The following SEMA4D variants were observed in gnomAD, a reference collection of about 807,000 sequenced individuals.
SEMA4D encodes the protein semaphorin-4D.
Under a neutral mutation model 74.8 loss-of-function variants are expected in SEMA4D, and 22 were observed. The ratio of observed to expected loss-of-function variants is 0.29; its 90% confidence interval spans 0.21 to 0.42. SEMA4D has a LOEUF of 0.42. SEMA4D is among the 10% of genes least tolerant of loss of function. The pLI, the probability that SEMA4D is intolerant of heterozygous loss-of-function variation, is 1.00. For synonymous variants in SEMA4D, 445 were observed against 463.7 expected (o/e 0.96, Z 0.52); for missense variants, 937 against 1,118.4 (o/e 0.84, Z 2.31).
chr9:89,490,943 C>A (rs1045114808), intron 1 of SEMA4D, among the ~76,000 whole-genome samples: 4 of 152,082 alleles, frequency 2.6e-5, no homozygotes, highest in Non-Finnish European at 4.4e-5. Flanking sequence ...ACAGATGATT[C>A]GAAATAAATT....
At chr9:89,412,208 C>G (rs1176243225) in intron 2 of SEMA4D, among the ~76,000 whole-genome samples, 1 of 152,174 alleles carries the variant, frequency 6.6e-6, no homozygotes, top group Admixed American at 6.5e-5. Context: ...TAGGGCCAGA[C>G]CCGGAGAGGA....
intron 6 of SEMA4D, among the ~76,000 whole-genome samples, chr9:89,395,210 C>A (rs965211835): frequency 2.6e-5 from 4 of 152,100 alleles, no homozygotes; most frequent in Non-Finnish European, 5.9e-5. Context: ...TGGATCACCT[C>A]AGGTCAGGAG....
At chr9:89,428,167 T>C (rs1419257178) in intron 2 of SEMA4D, among the ~76,000 whole-genome samples, 1 of 152,070 alleles carries the variant, frequency 6.6e-6, no homozygotes, top group Non-Finnish European at 1.5e-5. Context: ...CATGGAGGGA[T>C]ACGGCCCCCA....
chr9:89,476,330 T>C (rs1229817190), intron 1 of SEMA4D, among the ~76,000 whole-genome samples: 1 of 152,222 alleles, frequency 6.6e-6, no homozygotes, highest in Non-Finnish European at 1.5e-5. Flanking sequence ...CACTGACCAG[T>C]GTGATGGCTG....
exon 19 of SEMA4D, chr9:89,361,934 TCAATAAAAG>T (rs1177280780): frequency 5.7e-6 from 1 of 174,728 alleles, no homozygotes; most frequent in Non-Finnish European, 1.2e-5. Flanking sequence ...TTGATTTGCA[TCAATAAAAG>T]CAGCGATCTG....
rs1252417374 is a variant in SEMA4D at position 89,386,122 on chromosome 9, A to G, written c.1446+245T>C. 3.1e-6 allele frequency: 3 copies of G among 973,270 alleles called. No homozygotes were observed. In the African/African-American group the frequency reaches 5.3e-5, roughly 17 times the overall value. The allele number at this position is 973,270 out of a possible 1,614,324, so 60.3% of individuals were successfully genotyped here. A position where few individuals can be genotyped will look rare whatever the true frequency, so the allele number is the denominator to read the frequency against. On this transcript the variant is annotated intron_variant, in intron 13 of 15. Coordinates refer to ENST00000422704, the MANE Select transcript of SEMA4D (RefSeq NM_001371194.2). ...CCTGTAAAGCTGCACCAACAACTCA[A>G]TGACATTCCAGCAACTTCGAAGAGA...
At chr9:89,472,197 C>T in intron 1 of SEMA4D, 1 of 203,046 alleles carries the variant, frequency 4.9e-6, no homozygotes, top group Non-Finnish European at 1.0e-5. Context: ...TAAAACACAT[C>T]CCAAGGGTGA....
chr9:89,373,396 C>G (rs571255873), downstream of SEMA4D, among the ~76,000 whole-genome samples: 14 of 152,290 alleles, frequency 9.2e-5, no homozygotes, highest in South Asian at 2.9e-3. Context: ...GTGGGGACAT[C>G]TCCTGGGTGA....
chr9:89,415,763 GCTGA>G lies in SEMA4D; in HGVS notation c.-243-10068_-243-10065del, dbSNP rs139189100. Among the ~76,000 whole-genome samples the G allele has an allele frequency of 2.3e-3, 355 of 152,288 alleles. 1 individual carries two copies. Among genetic ancestry groups the G allele is most frequent in the African/African-American group, 8.2e-3 (339 of 41,556 alleles). On this transcript the variant is annotated intron_variant, in intron 2 of 15. Coordinates refer to ENST00000422704, the MANE Select transcript of SEMA4D (RefSeq NM_001371194.2). ...ATGACATTTTGTTTGAGCAGCCTGA[GCTGA>G]CTGAGACAGTGGCAATTCAGGGGCT... is the stretch of plus-strand genomic sequence containing the variant.
chr9:89,394,564 A>G (rs1242653745), intron 6 of SEMA4D, among the ~76,000 whole-genome samples: 1 of 152,266 alleles, frequency 6.6e-6, no homozygotes, highest in East Asian at 1.9e-4. Flanking sequence ...CTTTGCAGCC[A>G]ACAGCCTGGG....
chr9:89,418,194 A>T, intron 2 of SEMA4D: 1 of 771,700 alleles, frequency 1.3e-6, no homozygotes, highest in Non-Finnish European at 1.6e-6. Context: ...ACACTCCTAG[A>T]AAGGCACTGA....
rs1456047416 is a variant in SEMA4D, at chr9:89,396,891, A to G, written c.316-56T>C. ...CCGTCCAGCCCAGATGCCCTCCACT[A>G]TTCAAACTGCTCACGCCGTTCATCT... On this transcript the variant is annotated intron_variant, in intron 5 of 15. Transcript: ENST00000422704. 4 of 1,478,526 alleles carry G rather than the reference A, an allele frequency of 2.7e-6. No individual in the cohort carries two copies. The African/African-American group carries it at 4.2e-5, about 15-fold the overall frequency. 91.6% of individuals were successfully genotyped at this position (1,478,526 alleles called of 1,614,324 possible).
At chr9:89,480,293 C>A (rs1394481892) in intron 1 of SEMA4D, among the ~76,000 whole-genome samples, 1 of 152,234 alleles carries the variant, frequency 6.6e-6, no homozygotes, top group Non-Finnish European at 1.5e-5. Context: ...TATTTACAAT[C>A]CCTGAGCTAG....
intron 2 of SEMA4D, among the ~76,000 whole-genome samples, chr9:89,426,588 T>C (rs1848152016): frequency 6.6e-6 from 1 of 152,104 alleles, no homozygotes. Context: ...ATGTTCGCCA[T>C]TTCATCATCT....
intron 1 of SEMA4D, among the ~76,000 whole-genome samples, chr9:89,463,521 A>T (rs1340566966): frequency 6.6e-6 from 1 of 152,202 alleles, no homozygotes; most frequent in Non-Finnish European, 1.5e-5. Context: ...GGTCATGACC[A>T]GCCCTTTTTC....
chr9:89,482,378 C>T (rs1040885804), intron 1 of SEMA4D, among the ~76,000 whole-genome samples: 1 of 152,206 alleles, frequency 6.6e-6, no homozygotes, highest in Non-Finnish European at 1.5e-5. Flanking sequence ...AAGAACAGCA[C>T]GGGCCACACT....
intron 2 of SEMA4D, among the ~76,000 whole-genome samples, chr9:89,443,074 C>CCGCCCAGGAGGAAGGCGG (rs1852014796): frequency 6.6e-6 from 1 of 152,186 alleles, no homozygotes; most frequent in Non-Finnish European, 1.5e-5. Flanking sequence ...GGGACTGAAG[C>CCGCCCAGGAGGAAGGCGG]CTCCCAGGAG....
chr9:89,410,724 C>A (rs760042576), intron 2 of SEMA4D, among the ~76,000 whole-genome samples: 9 of 152,124 alleles, frequency 5.9e-5, no homozygotes, highest in South Asian at 2.1e-4. Flanking sequence ...ATAACAGCGC[C>A]CAGGAGCACA....
intron 8 of SEMA4D, 148 bp downstream of exon 8, chr9:89,392,275 C>G: frequency 1.7e-6 from 1 of 603,640 alleles, no homozygotes; most frequent in East Asian, 2.8e-5. Flanking sequence ...CTGGCCATTG[C>G]TGGACAGTTT....
Sources: allele counts gnomAD v4.1 joint callset (sites outside exome capture counted in the v4.1 genomes callset), GRCh38; gene constraint gnomAD v4.1.1; transcripts MANE v1.5; gene names NCBI Gene and HGNC (gene_info 2026-07-23, HGNC 2026-07-21).